CCSER1: variants seen among roughly 807,000 people sequenced by gnomAD.
CCSER1 encodes coiled-coil serine rich protein 1.
A neutral mutation model predicts 82.0 loss-of-function variants in CCSER1; 41 were observed. The observed-to-expected ratio is 0.50, with a 90% CI of 0.39 to 0.65. The LOEUF is 0.65. Ranked by LOEUF, CCSER1 falls within the 30% of genes least tolerant of loss-of-function variation. The pLI is 0.00. For missense variants in CCSER1, 1,119 were observed against 1,064.2 expected (o/e 1.05, Z -0.72); for synonymous variants, 414 against 383.9 (o/e 1.08, Z -0.92).
intron 9 of CCSER1, among the ~76,000 whole-genome samples, chr4:90,935,901 G>A (rs1730873695): frequency 6.6e-6 from 1 of 152,028 alleles, no homozygotes; most frequent in African/African-American, 2.4e-5. Flanking sequence ...AGAAAGCTTG[G>A]TATAGTGATG....
chr4:91,232,275 A>C (rs1350303971), intron 10 of CCSER1, among the ~76,000 whole-genome samples: 3 of 151,904 alleles, frequency 2.0e-5, no homozygotes, highest in African/African-American at 7.2e-5. Context: ...ATATATAAGA[A>C]TATTCAGTGT....
At chr4:90,284,277 C>T (rs1578952011) in intron 1 of CCSER1, among the ~76,000 whole-genome samples, 1 of 151,898 alleles carries the variant, frequency 6.6e-6, no homozygotes. Flanking sequence ...GTGGGTTGTC[C>T]CTTCACTTTG....
intron 10 of CCSER1, among the ~76,000 whole-genome samples, chr4:91,463,685 G>A (rs566315236): frequency 6.6e-6 from 1 of 152,300 alleles, no homozygotes; most frequent in African/African-American, 2.4e-5. Context: ...GAAAACCATG[G>A]CACGAGAGCT....
At chr4:91,537,090 T>C (rs1761336645) in intron 10 of CCSER1, among the ~76,000 whole-genome samples, 1 of 152,252 alleles carries the variant, frequency 6.6e-6, no homozygotes, top group South Asian at 2.1e-4. Context: ...AAATGGTTAA[T>C]AGTCATTATG....
intron 9 of CCSER1, among the ~76,000 whole-genome samples, chr4:91,044,982 C>T (rs1454774586): frequency 3.9e-5 from 6 of 152,142 alleles, no homozygotes; most frequent in African/African-American, 1.4e-4. Flanking sequence ...AACTTATTGG[C>T]TCTACCTCTT....
At chr4:90,375,727 C>A (rs1205169259) in intron 3 of CCSER1, among the ~76,000 whole-genome samples, 1 of 152,146 alleles carries the variant, frequency 6.6e-6, no homozygotes, top group Non-Finnish European at 1.5e-5. Context: ...CAAAACATTG[C>A]CAAACCTCTG....
intron 1 of CCSER1, among the ~76,000 whole-genome samples, chr4:90,210,563 C>T (rs1244232580): frequency 1.3e-5 from 2 of 151,790 alleles, no homozygotes; most frequent in Non-Finnish European, 2.9e-5. Flanking sequence ...CCTGCCTCAG[C>T]CTCTTGAGTA....
Position 91,265,528 on chromosome 4 carries a change from CCTT to C in CCSER1, c.2217+179537_2217+179539del, listed in dbSNP as rs567071403. Among the ~76,000 whole-genome samples the C allele has an allele frequency of 7.9e-5, 12 of 152,242 alleles. No individual in the cohort carries two copies. In the South Asian group the frequency reaches 2.5e-3, roughly 32 times the overall value. On this transcript the variant is annotated intron_variant, in intron 10 of 10. Coordinates refer to ENST00000509176, the MANE Select transcript of CCSER1 (RefSeq NM_001145065.2). Reference sequence around the variant, plus strand: ...CAGATTATAGGAAAACTCTAGTTAACCTTCTCACTGGATTAATTCAAATGCCAG... The same window carrying C: ...CAGATTATAGGAAAACTCTAGTTAACCTCACTGGATTAATTCAAATGCCAG...
intron 10 of CCSER1, among the ~76,000 whole-genome samples, chr4:91,597,107 T>C (rs1223566133): frequency 6.6e-6 from 1 of 151,994 alleles, no homozygotes; most frequent in Non-Finnish European, 1.5e-5. Flanking sequence ...TTTTGAAAAA[T>C]TCCTATGGAA....
At chr4:91,083,425 G>A (rs1298212351) in intron 9 of CCSER1, among the ~76,000 whole-genome samples, 1 of 151,942 alleles carries the variant, frequency 6.6e-6, no homozygotes, top group East Asian at 1.9e-4. Flanking sequence ...GTTGGCGGGG[G>A]GAAGGATAGC....
intron 9 of CCSER1, among the ~76,000 whole-genome samples, chr4:91,076,362 C>A (rs1041690483): frequency 1.3e-5 from 2 of 151,690 alleles, no homozygotes; most frequent in African/African-American, 4.8e-5. Context: ...TGCTTATTCC[C>A]AGCTCCTTTT....
intron 10 of CCSER1, among the ~76,000 whole-genome samples, chr4:91,174,576 T>A (rs569436112): frequency 6.6e-6 from 1 of 152,106 alleles, no homozygotes; most frequent in East Asian, 1.9e-4. Context: ...CAGCCCCACA[T>A]GCATTAGGTA....
At chr4:90,714,857 A>G (rs1193762397) in intron 6 of CCSER1, among the ~76,000 whole-genome samples, 2 of 152,052 alleles carry the variant, frequency 1.3e-5, no homozygotes, top group Admixed American at 6.6e-5. Flanking sequence ...TATCTTCTCA[A>G]TTACACTGCA....
At chr4:90,350,676 A>G (rs573767455) in intron 3 of CCSER1, among the ~76,000 whole-genome samples, 1 of 152,264 alleles carries the variant, frequency 6.6e-6, no homozygotes, top group East Asian at 1.9e-4. Context: ...TAAAGCTACC[A>G]TTTATAATGG....
At chr4:91,497,111 C>T (rs942890870) in intron 10 of CCSER1, among the ~76,000 whole-genome samples, 2 of 151,154 alleles carry the variant, frequency 1.3e-5, no homozygotes, top group African/African-American at 2.4e-5. Flanking sequence ...GTTAAGTTGC[C>T]TGGGCTTAAA....
rs147980378 is a variant in CCSER1 at position 90,259,364 on chromosome 4, T to C, written c.-41-48880T>C. 2.3e-3 allele frequency among the ~76,000 whole-genome samples: 354 copies of C among 152,256 alleles called. 1 individual carries two copies. The highest frequency in any genetic ancestry group is 5.6e-3 in the Admixed American group (86 of 15,280). On this transcript the variant is annotated intron_variant, in intron 1 of 10. Transcript: ENST00000509176. Reference sequence around the variant, plus strand: ...ATTTGTTTATCAGATCTAGGTGCCTTTTGGATGAGTATTTATGGTTTTCTA... The same window carrying C: ...ATTTGTTTATCAGATCTAGGTGCCTCTTGGATGAGTATTTATGGTTTTCTA...
At position 91,441,452 on chromosome 4, in the gene CCSER1, G is replaced by T. The variant is rs1755139154; in HGVS notation, c.2218-157120G>T. Reference sequence around the variant, plus strand: ...ATGCTAAAAATTCTCAATAAATTAGGTATTGATGGGACATAACTCAAAATA... The same window carrying T: ...ATGCTAAAAATTCTCAATAAATTAGTTATTGATGGGACATAACTCAAAATA... On this transcript the variant is annotated intron_variant, in intron 10 of 10. Coordinates refer to ENST00000509176, the MANE Select transcript of CCSER1 (RefSeq NM_001145065.2). Among the ~76,000 whole-genome samples, 3 of 152,142 alleles carry T rather than the reference G, an allele frequency of 2.0e-5. No homozygotes were observed. In the South Asian group the frequency reaches 6.2e-4, roughly 32 times the overall value.
chr4:90,719,950 C>T (rs78312460), intron 6 of CCSER1, among the ~76,000 whole-genome samples: 8,741 of 152,076 alleles, frequency 0.057, 308 homozygotes, highest in East Asian at 0.16. Context: ...AAGGATTTGT[C>T]TCGTCTATTT....
chr4:91,023,995 G>T (rs1002671387), intron 9 of CCSER1, among the ~76,000 whole-genome samples: 1 of 152,068 alleles, frequency 6.6e-6, no homozygotes, highest in African/African-American at 2.4e-5. Context: ...AAGTCAAGGG[G>T]GTGCATCTGG....
Sources: allele counts gnomAD v4.1 joint callset (sites outside exome capture counted in the v4.1 genomes callset), GRCh38; gene constraint gnomAD v4.1.1; transcripts MANE v1.5; gene names NCBI Gene and HGNC (gene_info 2026-07-23, HGNC 2026-07-21).